Variants in PDE12 observed in about 807,000 individuals in gnomAD.
The protein encoded by PDE12 is 2',5'-phosphodiesterase 12.
In PDE12, 26 loss-of-function variants were observed where a neutral mutation model predicts 45.4. The observed-to-expected ratio is 0.57, with a 90% CI of 0.42 to 0.79. The LOEUF is 0.79. Ranked by LOEUF, PDE12 falls within the 30% of genes least tolerant of loss-of-function variation. The pLI, the probability that PDE12 is intolerant of heterozygous loss-of-function variation, is 0.00. For synonymous variants in PDE12, 283 were observed against 323.9 expected (o/e 0.87, Z 1.36); for missense variants, 668 against 790.0 (o/e 0.85, Z 1.85).
the PDE12 span, among the ~76,000 whole-genome samples, chr3:57,609,234 C>T: frequency 1.3e-5 from 2 of 152,130 alleles, no homozygotes; most frequent in Non-Finnish European, 2.9e-5. Flanking sequence ...ACATTTAAAG[C>T]AGTGTGTAGA....
chr3:57,579,556 GGGATTA>G, the PDE12 span, among the ~76,000 whole-genome samples: 1,024 of 152,142 alleles, frequency 6.7e-3, 9 homozygotes, highest in African/African-American at 0.023. Flanking sequence ...CCAAAGTGCT[GGGATTA>G]CAGGTGTGAG....
the PDE12 span, chr3:57,577,348 T>A: frequency 6.2e-7 from 1 of 1,613,824 alleles, no homozygotes; most frequent in Admixed American, 1.7e-5. Flanking sequence ...ACTTCCTGAA[T>A]TCTTTCACGA....
At chr3:57,599,604 C>G in the PDE12 span, among the ~76,000 whole-genome samples, 1 of 152,190 alleles carries the variant, frequency 6.6e-6, no homozygotes, top group Non-Finnish European at 1.5e-5. Context: ...TTCTCCATCT[C>G]TAGCCTCCAA....
At position 57,559,981 on chromosome 3, in the gene PDE12, G is replaced by A. The variant is rs768463857; in HGVS notation, c.1807G>A (p.Val603Ile). 4 of 1,606,310 alleles carry A rather than the reference G, an allele frequency of 2.5e-6. No homozygotes were observed. The highest frequency in any genetic ancestry group is 3.4e-6 in the Non-Finnish European group (4 of 1,177,388). The part of the protein sequence containing the change: ...VSHPSDHIAL[V>I]CDLKWK ...CCATCCCTCTGATCACATAGCACTT[G>A]TATGTGATTTAAAATGGAAATAGAT... The change falls in exon 3 of 3, where the codon GTA becomes ATA. Residue 603 changes from valine (V) to isoleucine (I), a missense_variant. Physicochemically the swap from Val to Ile is conservative, Grantham distance 29 (BLOSUM62 3). Around this residue, in one of 3 missense-constraint regions of PDE12, gnomAD observed 79 missense variants for 97.9 expected, o/e 0.81. Transcript: ENST00000311180.
the PDE12 span, among the ~76,000 whole-genome samples, chr3:57,622,621 G>A: frequency 2.0e-5 from 3 of 152,166 alleles, no homozygotes; most frequent in South Asian, 6.2e-4. Context: ...TCCATCCAAG[G>A]ACTAGTACAT....
chr3:57,606,723 C>A, the PDE12 span, among the ~76,000 whole-genome samples: 624 of 152,172 alleles, frequency 4.1e-3, 7 homozygotes, highest in African/African-American at 0.015. Flanking sequence ...GGTTCCTATT[C>A]TATACACAAA....
the PDE12 span, among the ~76,000 whole-genome samples, chr3:57,579,789 A>C: frequency 6.6e-6 from 1 of 152,218 alleles, no homozygotes; most frequent in South Asian, 2.1e-4. Context: ...CACCTGGAAA[A>C]CCATCACTTT....
the PDE12 span, chr3:57,641,735 T>A: frequency 2.7e-5 from 43 of 1,612,970 alleles, no homozygotes; most frequent in East Asian, 9.1e-4. Flanking sequence ...TTACTCCTAA[T>A]ATAACTGAGG....
At chr3:57,619,481 C>T in the PDE12 span, 1 of 152,366 alleles carries the variant, frequency 6.6e-6, no homozygotes, top group African/African-American at 2.4e-5. Context: ...TAGCACTTCC[C>T]TTGGCAAGGT....
chr3:57,604,639 G>T, the PDE12 span, among the ~76,000 whole-genome samples: 1 of 122,162 alleles, frequency 8.2e-6, no homozygotes, highest in Admixed American at 9.5e-5. Flanking sequence ...GTGGGACAGA[G>T]TCTCACTCTG....
At chr3:57,646,484 C>A in the PDE12 span, 1 of 1,552,448 alleles carries the variant, frequency 6.4e-7, no homozygotes, top group East Asian at 2.3e-5. Flanking sequence ...GTAGCCAATC[C>A]TGTTTTTAAA....
chr3:57,614,547 T>TG, the PDE12 span, among the ~76,000 whole-genome samples: 1 of 100,188 alleles, frequency 1.0e-5, no homozygotes, highest in African/African-American at 3.0e-5. Context: ...GTTTTTTGTT[T>TG]TTTTTTTTTT....
the PDE12 span, among the ~76,000 whole-genome samples, chr3:57,612,744 C>G: frequency 6.9e-6 from 1 of 144,114 alleles, no homozygotes; most frequent in East Asian, 2.1e-4. Context: ...GCACTTCAGC[C>G]TGGTGACAGA....
chr3:57,629,718 T>C, the PDE12 span, among the ~76,000 whole-genome samples: 192 of 151,176 alleles, frequency 1.3e-3, 1 homozygote, highest in East Asian at 0.037. Context: ...GAGATGGGGT[T>C]TCACCGTGTT....
chr3:57,603,303 C>A, the PDE12 span, among the ~76,000 whole-genome samples: 11 of 152,262 alleles, frequency 7.2e-5, no homozygotes, highest in Admixed American at 4.6e-4. Context: ...AATCTCCATC[C>A]TTCCTGACTG....
In PDE12 at chr3:57,557,408, C is replaced by T. The variant is rs192213022; in HGVS notation, c.1029C>T (p.Asn343=). ...NLIQKELTGY[N]ADVICLQEVD... The stretch of plus-strand genomic sequence containing the variant: ...TCCAGAAGGAACTCACCGGCTACAA[C>T]GCCGATGTCATCTGTTTGCAGGAGG... The change falls in exon 1 of 3, where the codon AAC becomes AAT. Residue 343 remains asparagine, a synonymous_variant. Transcript: ENST00000311180. 82 of 1,613,966 alleles carry T rather than the reference C, an allele frequency of 5.1e-5. No homozygotes were observed. In the Admixed American group the frequency reaches 1.3e-3, roughly 26 times the overall value.
chr3:57,590,159 T>C, the PDE12 span, among the ~76,000 whole-genome samples: 3 of 148,664 alleles, frequency 2.0e-5, no homozygotes, highest in African/African-American at 7.4e-5. Flanking sequence ...AAAGAACATC[T>C]ATAAAAAACC....
At chr3:57,572,389 T>C in the PDE12 span, 2 of 949,076 alleles carry the variant, frequency 2.1e-6, no homozygotes, top group East Asian at 4.9e-5. Flanking sequence ...AAGAGTCTTT[T>C]CACACCTCTT....
the PDE12 span, among the ~76,000 whole-genome samples, chr3:57,604,617 T>TTGGG: frequency 2.4e-4 from 2 of 8,334 alleles, no homozygotes; most frequent in African/African-American, 4.2e-4. Context: ...TTTTTTTTTT[T>TTGGG]GGGGGGGGTG....
Sources: gnomAD v4.1 joint callset for allele counts (sites outside exome capture counted in the v4.1 genomes callset) on GRCh38, gnomAD v4.1.1 for gene constraint, gnomAD v4.1.1 regional missense constraint, MANE v1.5 for transcripts, NCBI Gene and HGNC (gene_info 2026-07-23, HGNC 2026-07-21) for gene names.